Variants in PDZD2 observed in about 807,000 individuals in gnomAD.
The protein encoded by PDZD2 is PDZ domain containing 2.
Under a neutral mutation model 220.7 loss-of-function variants are expected in PDZD2, and 90 were observed. The observed-to-expected ratio is 0.41, with a 90% CI of 0.34 to 0.49. PDZD2 has a LOEUF of 0.49. Ranked by LOEUF, PDZD2 falls within the 20% of genes least tolerant of loss-of-function variation. PDZD2 has a pLI of 0.28. For missense variants in PDZD2, 3,174 were observed against 3,608.5 expected (o/e 0.88, Z 3.08); for synonymous variants, 1,375 against 1,450.5 (o/e 0.95, Z 1.18).
At chr5:32,056,262 G>A (rs978390619) in intron 10 of PDZD2, among the ~76,000 whole-genome samples, 6 of 152,162 alleles carry the variant, frequency 3.9e-5, no homozygotes, top group African/African-American at 1.2e-4. Flanking sequence ...TTAAGGGGAA[G>A]CCACATAACA....
intron 2 of PDZD2, among the ~76,000 whole-genome samples, chr5:31,944,787 G>A (rs984039780): frequency 6.6e-6 from 1 of 152,214 alleles, no homozygotes; most frequent in Admixed American, 6.5e-5. Context: ...TCCCTGGGAA[G>A]CAGCTGCAGC....
At chr5:31,743,603 C>T (rs534190626) in intron 1 of PDZD2, among the ~76,000 whole-genome samples, 35 of 152,108 alleles carry the variant, frequency 2.3e-4, no homozygotes, top group Non-Finnish European at 1.0e-4. Context: ...TTTAAATCAT[C>T]GCTAGAAATA....
intron 2 of PDZD2, among the ~76,000 whole-genome samples, chr5:31,873,400 G>A (rs1488802233): frequency 6.6e-6 from 1 of 151,118 alleles, no homozygotes. Context: ...AGCCACTGCT[G>A]TACTCCAGTT....
rs767395848 is a variant in PDZD2, at chr5:31,799,435, C to A, written c.187C>A (p.Pro63Thr). ...DESTVPPDHS[P>T]PEMEICTVYL... is the part of the protein sequence containing the mutation. ...GAGTACGGTCCCACCTGATCACAGCCCCCCCGAAATGGAGATCTGTACTGT... is the reference window on the plus strand; with the variant it reads ...GAGTACGGTCCCACCTGATCACAGCACCCCCGAAATGGAGATCTGTACTGT... Residue 63 changes from proline (P) to threonine (T), a missense_variant, in exon 2 of 25, where the codon CCC becomes ACC. Around this residue, in one of 4 missense-constraint regions of PDZD2, gnomAD observed 632 missense variants for 708.1 expected, o/e 0.89. Coordinates refer to ENST00000438447, the MANE Select transcript of PDZD2 (RefSeq NM_178140.4). 5 of 1,614,174 alleles carry A rather than the reference C, an allele frequency of 3.1e-6. No homozygotes were observed. Among genetic ancestry groups the A allele is most frequent in the Non-Finnish European group, 4.2e-6 (5 of 1,180,028 alleles).
chr5:32,077,533 C>T lies in PDZD2; in HGVS notation c.3609C>T (p.Ser1203=). 6.2e-7 allele frequency: 1 copy of T among 1,613,930 alleles called. No individual in the cohort carries two copies. Among genetic ancestry groups the T allele is most frequent in the Non-Finnish European group, 8.5e-7 (1 of 1,179,816 alleles). The change falls in exon 19 of 25, where the codon TCC becomes TCT. Residue 1203 remains serine, a synonymous_variant. Transcript: ENST00000438447. ...GCTGTGAACTAGCCAGTGCTCTGTC[C>T]CATCTGGATGCCAGCCACCTCACAG... ...STSCELASAL[S]HLDASHLTEN...
At chr5:31,985,832 A>C (rs1483280148) in intron 3 of PDZD2, among the ~76,000 whole-genome samples, 1 of 152,012 alleles carries the variant, frequency 6.6e-6, no homozygotes. Flanking sequence ...TAATCCCAGC[A>C]CTTTGGGAGG....
chr5:32,082,664 ATG>A (rs1241375359), intron 19 of PDZD2, among the ~76,000 whole-genome samples: 1 of 152,208 alleles, frequency 6.6e-6, no homozygotes, highest in Non-Finnish European at 1.5e-5. Flanking sequence ...AGAAACATAT[ATG>A]TGTGTATATA....
intron 2 of PDZD2, among the ~76,000 whole-genome samples, chr5:31,887,128 C>A (rs1237194956): frequency 6.6e-6 from 1 of 152,232 alleles, no homozygotes; most frequent in Non-Finnish European, 1.5e-5. Context: ...CTCATTCTTA[C>A]TGTGGATTTC....
At chr5:32,079,032 G>A (rs939108559) in intron 19 of PDZD2, among the ~76,000 whole-genome samples, 5 of 151,540 alleles carry the variant, frequency 3.3e-5, no homozygotes, top group Non-Finnish European at 5.9e-5. Flanking sequence ...GCCAAGGGGG[G>A]GCCGATCACT....
At chr5:31,948,951 T>G (rs1746913080) in intron 2 of PDZD2, among the ~76,000 whole-genome samples, 1 of 151,750 alleles carries the variant, frequency 6.6e-6, no homozygotes, top group African/African-American at 2.4e-5. Flanking sequence ...ATACAAAAAT[T>G]AGCTGGGAGT....
At chr5:31,925,084 A>G (rs9292449) in intron 2 of PDZD2, among the ~76,000 whole-genome samples, 3 of 152,176 alleles carry the variant, frequency 2.0e-5, no homozygotes, top group Admixed American at 6.5e-5. Flanking sequence ...ACAGTTATCT[A>G]TGTCCTGCAA....
At chr5:31,950,506 T>A (rs1318809187) in intron 2 of PDZD2, among the ~76,000 whole-genome samples, 1 of 152,234 alleles carries the variant, frequency 6.6e-6, no homozygotes, top group African/African-American at 2.4e-5. Flanking sequence ...GAGTATTTTT[T>A]TATTATTATT....
In PDZD2 at chr5:31,722,978, G is replaced by A. The variant is rs183369010; in HGVS notation, c.-360-75911G>A. The stretch of plus-strand genomic sequence containing the variant: ...GCTGGGATTACAGGCGTGAGACACC[G>A]TGCCTGGCCCACTGCCACAGTTTTA... On this transcript the variant is annotated intron_variant, in intron 1 of 24. Coordinates refer to ENST00000438447, the MANE Select transcript of PDZD2 (RefSeq NM_178140.4). 6.8e-4 allele frequency among the ~76,000 whole-genome samples: 104 copies of A among 152,268 alleles called. 2 individuals carry two copies. The East Asian group carries it at 0.018, about 26-fold the overall frequency.
intron 5 of PDZD2, among the ~76,000 whole-genome samples, chr5:32,007,843 C>CG (rs1013230668): frequency 6.6e-6 from 1 of 152,172 alleles, no homozygotes; most frequent in African/African-American, 2.4e-5. Flanking sequence ...TCATGTGCTG[C>CG]GGCATTTCCC....
At chr5:31,859,069 C>G (rs1737428530) in intron 2 of PDZD2, among the ~76,000 whole-genome samples, 1 of 152,090 alleles carries the variant, frequency 6.6e-6, no homozygotes, top group African/African-American at 2.4e-5. Flanking sequence ...CCAAGTGGTC[C>G]TGTGGCCCCA....
chr5:31,807,127 G>A (rs1340950076), intron 2 of PDZD2, among the ~76,000 whole-genome samples: 3 of 151,880 alleles, frequency 2.0e-5, no homozygotes, highest in East Asian at 3.9e-4. Flanking sequence ...GTAGAGACGG[G>A]GTTTCACCAT....
At chr5:31,775,041 G>C (rs1293650385) in intron 1 of PDZD2, among the ~76,000 whole-genome samples, 2 of 152,154 alleles carry the variant, frequency 1.3e-5, no homozygotes, top group Non-Finnish European at 2.9e-5. Context: ...TTAACAATCA[G>C]CTCTTGGGAA....
At chr5:31,986,000 G>A (rs892867738) in intron 3 of PDZD2, among the ~76,000 whole-genome samples, 2 of 151,194 alleles carry the variant, frequency 1.3e-5, no homozygotes, top group Non-Finnish European at 2.9e-5. Context: ...GCTTGAACCT[G>A]GGAGGCGGAG....
At chr5:31,859,370 T>C (rs1355042180) in intron 2 of PDZD2, among the ~76,000 whole-genome samples, 1 of 152,212 alleles carries the variant, frequency 6.6e-6, no homozygotes, top group Non-Finnish European at 1.5e-5. Flanking sequence ...CTTTTTCTTA[T>C]ACTTTCTATC....
Sources: allele counts gnomAD v4.1 joint callset (sites outside exome capture counted in the v4.1 genomes callset), GRCh38; gene constraint gnomAD v4.1.1; regional missense constraint gnomAD v4.1.1; transcripts MANE v1.5; gene names NCBI Gene and HGNC (gene_info 2026-07-23, HGNC 2026-07-21).